The following OSMR variants were observed in gnomAD, a reference collection of about 807,000 sequenced individuals.
The protein encoded by OSMR is oncostatin M receptor, also known as oncostatin-M-specific receptor subunit beta.
A neutral mutation model predicts 99.9 loss-of-function variants in OSMR; 81 were observed. The observed-to-expected ratio is 0.81, with a 90% confidence interval of 0.68 to 0.97. The LOEUF (loss-of-function observed/expected upper bound fraction) is 0.97. Among genes scored for constraint, OSMR ranks in the 50% least tolerant of loss-of-function variants. The pLI is 0.00. For synonymous variants in OSMR, 406 were observed against 410.4 expected, an observed-to-expected ratio of 0.99 and a Z score of 0.13; for missense variants, 1,099 against 1,153.4, an observed-to-expected ratio of 0.95 and a Z score of 0.68.
intron 7 of OSMR, among the ~76,000 whole-genome samples, chr5:38,889,562 T>C (rs1744017824): frequency 6.6e-6 from 1 of 152,180 alleles, no homozygotes; most frequent in Non-Finnish European, 1.5e-5. Flanking sequence ...TATTGTTCTC[T>C]AATATCTTTT....
Position 38,933,380 on chromosome 5 carries a change from C to G in OSMR, c.2876C>G (p.Pro959Arg), listed in dbSNP as rs34080825. The G allele has an allele frequency of 8.0e-3, 12,858 of 1,614,034 alleles. 189 individuals are homozygous for G. The highest frequency in any genetic ancestry group is 0.048 in the Middle Eastern group (289 of 6,062). The change falls in exon 18 of 18, where the codon CCC (proline) becomes CGC (arginine). Residue 959 changes from proline to arginine, a missense_variant. Transcript: ENST00000274276. ...GTCTCCCTGCGTCTTGCCTTGCCTC[C>G]CCCGACCGAGAATAGCAGCCTCTCC... is the stretch of plus-strand genomic sequence containing the variant. ...MAVSLRLALPPPTENSSLSSI... is the reference protein window; with the variant it reads ...MAVSLRLALPRPTENSSLSSI...
chr5:38,931,913 T>C lies in OSMR; in HGVS notation c.2243T>C (p.Met748Thr). The C allele has an allele frequency of 5.0e-6, 8 of 1,613,726 alleles. No individual in the cohort carries two copies. Among genetic ancestry groups the C allele is most frequent in the Non-Finnish European group, 6.8e-6 (8 of 1,179,652 alleles). Residue 748 changes from methionine (M) to threonine (T), a missense_variant, in exon 16 of 18, where the codon ATG becomes ACG. Met to Thr is a moderately conservative substitution (Grantham distance 81). Transcript: ENST00000274276. ...SSMLIHILLP[M>T]VFCVLLIMVM... is the part of the protein sequence containing the mutation. The stretch of plus-strand genomic sequence containing the variant: ...ATGCTGATTCATATCCTACTGCCCA[T>C]GGTTTTCTGCGTCTTGCTCATCATG...
chr5:38,885,235 AC>A, intron 5 of OSMR, 113 bp from the exon 6 acceptor site: 3 of 1,553,410 alleles, frequency 1.9e-6, no homozygotes, highest in Non-Finnish European at 2.6e-6. Context: ...CACCTCAGTG[AC>A]CCCTTCCTTG....
chr5:38,874,137 T>C (rs549598151), intron 2 of OSMR, among the ~76,000 whole-genome samples: 11 of 152,334 alleles, frequency 7.2e-5, no homozygotes, highest in African/African-American at 2.6e-4. Context: ...TTATCAGATA[T>C]ATGATTTGCA....
rs1359225883 is a variant in OSMR, at chr5:38,869,209, T to A, written c.73+92T>A. 4 of 961,288 alleles carry A rather than the reference T, an allele frequency of 4.2e-6. No homozygotes were observed. The African/African-American group carries it at 6.4e-5, about 15-fold the overall frequency. The allele number at this position is 961,288 out of a possible 1,614,324, so 59.5% of individuals were successfully genotyped here. On this transcript the variant is annotated intron_variant, in intron 2 of 17. Transcript: ENST00000274276. ...GGGAAAAAGTTAAACAGTTCTTTTT[T>A]CTTTGGGAATTACTTAAAATTCCTG...
At chr5:38,888,343 CG>C (rs1345894659) in intron 7 of OSMR, among the ~76,000 whole-genome samples, 1 of 146,946 alleles carries the variant, frequency 6.8e-6, no homozygotes, top group Admixed American at 6.8e-5. Flanking sequence ...AGGAAGAAGG[CG>C]GCCCGAATTG....
In OSMR at chr5:38,912,308, A is replaced by T. The variant is rs77644478; in HGVS notation, c.1286-5238A>T. On this transcript the variant is annotated intron_variant, in intron 9 of 17. Transcript: ENST00000274276. Reference sequence around the variant, plus strand: ...GATTCAAGCTGAGACCCAAGTCAAGAACGCAATCCTACTTTCGATACTCAC... The same window carrying T: ...GATTCAAGCTGAGACCCAAGTCAAGTACGCAATCCTACTTTCGATACTCAC... Among the ~76,000 whole-genome samples the T allele has an allele frequency of 2.1e-3, 321 of 152,346 alleles. 4 individuals are homozygous for T. The highest frequency in any genetic ancestry group is 0.016 in the East Asian group (85 of 5,190).
intron 3 of OSMR, among the ~76,000 whole-genome samples, chr5:38,880,359 A>G (rs1743184108): frequency 6.6e-6 from 1 of 152,206 alleles, no homozygotes; most frequent in Admixed American, 6.5e-5. Context: ...TGTTGTCTCC[A>G]CCTTGCAGCT....
intron 1 of OSMR, among the ~76,000 whole-genome samples, chr5:38,847,816 A>G (rs1739995516): frequency 6.6e-6 from 1 of 152,182 alleles, no homozygotes; most frequent in Admixed American, 6.5e-5. Flanking sequence ...CGTTTGTCCC[A>G]GCAGGTGTGG....
At chr5:38,916,025 T>C (rs1032377742) in intron 9 of OSMR, among the ~76,000 whole-genome samples, 2 of 152,178 alleles carry the variant, frequency 1.3e-5, no homozygotes, top group Admixed American at 1.3e-4. Flanking sequence ...TTTTGACTAC[T>C]TCTTGTTGTA....
intron 1 of OSMR, 70 bp from the exon 2 acceptor site, chr5:38,868,962 T>C (rs1579661307): frequency 2.6e-6 from 4 of 1,564,606 alleles, no homozygotes; most frequent in South Asian, 2.3e-5. Flanking sequence ...TCTACCACAA[T>C]TGGCTCGAAG....
chr5:38,891,003 G>A (rs1267225612), intron 7 of OSMR, among the ~76,000 whole-genome samples: 1 of 152,120 alleles, frequency 6.6e-6, no homozygotes, highest in African/African-American at 2.4e-5. Flanking sequence ...ATCCTGTCAG[G>A]GAATGACAGG....
chr5:38,863,312 G>T (rs919294124), intron 1 of OSMR, among the ~76,000 whole-genome samples: 1 of 150,514 alleles, frequency 6.6e-6, no homozygotes, highest in East Asian at 2.0e-4. Context: ...AGGCTGAGGC[G>T]GGCAGTTCAT....
chr5:38,903,778 AAAATACTTGTTGAACAAAT>A, intron 7 of OSMR, 85 bp from the exon 8 acceptor site: 1 of 1,523,888 alleles, frequency 6.6e-7, no homozygotes, highest in Non-Finnish European at 8.8e-7. Flanking sequence ...AAAGTGAACA[AAAATACTTGTTGAACAAAT>A]AAATGAAGAA....
At chr5:38,904,558 G>T (rs184978858) in intron 9 of OSMR, 55 bp downstream of exon 9, 235 of 1,609,464 alleles carry the variant, frequency 1.5e-4, no homozygotes, top group Non-Finnish European at 1.8e-4. Context: ...GAGTTAGACT[G>T]GTTTCCTTAA....
Position 38,917,631 on chromosome 5 carries a change from T to C in OSMR, c.1362+9T>C. The C allele has an allele frequency of 6.2e-7, 1 of 1,605,098 alleles. No homozygotes were observed. The highest frequency in any genetic ancestry group is 8.5e-7 in the Non-Finnish European group (1 of 1,171,990). ...TGACCTTATTCTGGAAGGTAAGATG[T>C]GCAGATTCCAAAAGTCTGATTGTTT... On this transcript the variant is annotated intron_variant, in intron 10 of 17. Transcript: ENST00000274276.
At chr5:38,887,921 G>A (rs889426465) in intron 7 of OSMR, among the ~76,000 whole-genome samples, 1 of 151,880 alleles carries the variant, frequency 6.6e-6, no homozygotes, top group Admixed American at 6.6e-5. Flanking sequence ...CTACTGATAC[G>A]GCTCCAATGA....
chr5:38,929,968 C>T (rs1005076269), intron 15 of OSMR, among the ~76,000 whole-genome samples: 1 of 152,182 alleles, frequency 6.6e-6, no homozygotes, highest in African/African-American at 2.4e-5. Context: ...TAACTATTCT[C>T]CTGTCTCCTC....
chr5:38,866,518 G>A (rs955927498), intron 1 of OSMR, among the ~76,000 whole-genome samples: 3 of 152,128 alleles, frequency 2.0e-5, no homozygotes, highest in Non-Finnish European at 4.4e-5. Flanking sequence ...TGTTCCCCCG[G>A]GTATAGACTG....
Sources: gnomAD v4.1 joint callset for allele counts (sites outside exome capture counted in the v4.1 genomes callset) on GRCh38, gnomAD v4.1.1 for gene constraint, MANE v1.5 for transcripts, NCBI Gene and HGNC (gene_info 2026-07-23, HGNC 2026-07-21) for gene names.